The following RIT2 variants were observed in gnomAD, a reference collection of about 807,000 sequenced individuals.
RIT2 encodes GTP-binding protein Rit2.
RIT2 carries 24 observed loss-of-function variants against 23.7 expected under a neutral mutation model. The observed-to-expected ratio is 1.01, with a 90% CI of 0.73 to 1.43. The LOEUF (loss-of-function observed/expected upper bound fraction) is 1.43, where lower values mean the gene tolerates loss of function less well. RIT2 is among the 40% of genes most tolerant of loss of function. The pLI, the probability that RIT2 is intolerant of heterozygous loss-of-function variation, is 0.00. For missense variants in RIT2, 236 were observed against 266.9 expected, an observed-to-expected ratio of 0.88 and a Z score of 0.81; for synonymous variants, 107 against 91.1, an observed-to-expected ratio of 1.17 and a Z score of -0.99.
At chr18:42,748,085 C>T (rs1177203867) in intron 4 of RIT2, among the ~76,000 whole-genome samples, 3 of 152,070 alleles carry the variant, frequency 2.0e-5, no homozygotes, top group African/African-American at 7.2e-5. Context: ...AATAAACAAT[C>T]AGCAGAGTAA....
At chr18:42,933,779 G>A (rs1909385458) in intron 3 of RIT2, among the ~76,000 whole-genome samples, 1 of 151,908 alleles carries the variant, frequency 6.6e-6, no homozygotes, top group African/African-American at 2.4e-5. Flanking sequence ...CAGCACTTTG[G>A]GAGGCTGAGG....
chr18:43,089,494 A>G (rs1913367612), intron 1 of RIT2, among the ~76,000 whole-genome samples: 1 of 151,868 alleles, frequency 6.6e-6, no homozygotes, highest in Admixed American at 6.6e-5. Flanking sequence ...TAAAATGACC[A>G]CTCTGCCCAA....
At chr18:42,909,024 C>T (rs1908697306) in intron 4 of RIT2, among the ~76,000 whole-genome samples, 1 of 152,122 alleles carries the variant, frequency 6.6e-6, no homozygotes, top group Admixed American at 6.6e-5. Context: ...CACACATCCA[C>T]ACATGTTTAT....
chr18:42,939,901 C>T (rs1047855328), intron 3 of RIT2, among the ~76,000 whole-genome samples: 1 of 151,822 alleles, frequency 6.6e-6, no homozygotes, highest in African/African-American at 2.4e-5. Flanking sequence ...TAGAGCCAGA[C>T]GGATTTGCTT....
At chr18:42,830,861 T>A (rs1906438384) in intron 4 of RIT2, among the ~76,000 whole-genome samples, 1 of 152,186 alleles carries the variant, frequency 6.6e-6, no homozygotes, top group Non-Finnish European at 1.5e-5. Context: ...TCAAGGCTGA[T>A]CAAGGTCTCC....
intron 4 of RIT2, among the ~76,000 whole-genome samples, chr18:42,803,369 CT>C (rs1905594339): frequency 6.6e-6 from 1 of 152,056 alleles, no homozygotes; most frequent in African/African-American, 2.4e-5. Context: ...ACTTAGAGAT[CT>C]TATATTGCTT....
intron 4 of RIT2, among the ~76,000 whole-genome samples, chr18:42,782,881 G>T (rs1913843353): frequency 6.6e-6 from 1 of 151,990 alleles, no homozygotes. Context: ...CCAGAGACAG[G>T]CAAAGAACAA....
rs552229048 is a variant in RIT2, at chr18:42,874,095, T to C, written c.426+49477A>G. The stretch of plus-strand genomic sequence containing the variant: ...ATGAATCAACATAACCCTGCTCCCA[T>C]CCCTGAATTATTGAGTATGAAACTA... On this transcript the variant is annotated intron_variant, in intron 4 of 4. Transcript: ENST00000326695. 1.4e-4 allele frequency among the ~76,000 whole-genome samples: 22 copies of C among 152,276 alleles called. 1 individual carries two copies. Among genetic ancestry groups the C allele is most frequent in the Middle Eastern group, 6.8e-3 (2 of 294 alleles).
chr18:42,794,871 TAAA>T (rs1426805443), intron 4 of RIT2, among the ~76,000 whole-genome samples: 1 of 152,242 alleles, frequency 6.6e-6, no homozygotes, highest in Non-Finnish European at 1.5e-5. Flanking sequence ...ATAAAAATGA[TAAA>T]AATAATTGCC....
intron 4 of RIT2, among the ~76,000 whole-genome samples, chr18:42,899,369 G>A (rs1302718762): frequency 2.0e-5 from 3 of 151,338 alleles, no homozygotes; most frequent in Non-Finnish European, 4.4e-5. Flanking sequence ...AATTCAAGCT[G>A]GAGGGAGAGA....
At chr18:42,809,903 TATA>T (rs1163919579) in intron 4 of RIT2, among the ~76,000 whole-genome samples, 1 of 139,874 alleles carries the variant, frequency 7.1e-6, no homozygotes, top group Non-Finnish European at 1.5e-5. Context: ...ATATATTATA[TATA>T]ATATATATAA....
intron 4 of RIT2, among the ~76,000 whole-genome samples, chr18:42,867,206 T>C (rs574371319): frequency 2.6e-5 from 4 of 152,278 alleles, no homozygotes; most frequent in South Asian, 2.1e-4. Flanking sequence ...CAACAGGCTT[T>C]GTGGGGATTC....
At chr18:43,088,856 G>A (rs569578251) in intron 1 of RIT2, among the ~76,000 whole-genome samples, 36 of 152,004 alleles carry the variant, frequency 2.4e-4, no homozygotes, top group Non-Finnish European at 4.3e-4. Flanking sequence ...CTTGACAGAG[G>A]CAATCTAAGG....
At chr18:43,069,977 TA>T (rs1912860929) in intron 1 of RIT2, among the ~76,000 whole-genome samples, 1 of 152,186 alleles carries the variant, frequency 6.6e-6, no homozygotes, top group Non-Finnish European at 1.5e-5. Context: ...TATCATATTG[TA>T]ATATACATTT....
chr18:42,856,830 T>TC (rs1458972039), intron 4 of RIT2, among the ~76,000 whole-genome samples: 1 of 143,974 alleles, frequency 6.9e-6, no homozygotes, highest in East Asian at 2.0e-4. Flanking sequence ...TCTCTCTCTT[T>TC]TTTTTTTTTT....
intron 3 of RIT2, among the ~76,000 whole-genome samples, chr18:42,952,234 T>C (rs1219153259): frequency 6.6e-6 from 1 of 152,120 alleles, no homozygotes; most frequent in African/African-American, 2.4e-5. Context: ...TATAACACTA[T>C]GGATGAACAT....
intron 1 of RIT2, among the ~76,000 whole-genome samples, chr18:43,110,939 T>C (rs1034871784): frequency 1.3e-5 from 2 of 152,162 alleles, no homozygotes; most frequent in African/African-American, 4.8e-5. Context: ...CAAATTAGCA[T>C]ATCCATCATT....
intron 3 of RIT2, among the ~76,000 whole-genome samples, chr18:42,963,811 A>T (rs1910147612): frequency 6.6e-6 from 1 of 152,124 alleles, no homozygotes; most frequent in Non-Finnish European, 1.5e-5. Flanking sequence ...CAGGAGAATC[A>T]CTTGAACCCA....
chr18:42,799,193 C>A (rs758359251), intron 4 of RIT2, among the ~76,000 whole-genome samples: 1 of 152,114 alleles, frequency 6.6e-6, no homozygotes, highest in South Asian at 2.1e-4. Context: ...CCAAAGCCCC[C>A]AGTGGAGTTG....
Sources: allele counts gnomAD v4.1 joint callset (sites outside exome capture counted in the v4.1 genomes callset), GRCh38; gene constraint gnomAD v4.1.1; transcripts MANE v1.5; gene names NCBI Gene and HGNC (gene_info 2026-07-23, HGNC 2026-07-21).